SUCLG2: variants seen among roughly 807,000 people sequenced by gnomAD.
The protein encoded by SUCLG2 is succinate-CoA ligase GDP-forming subunit beta.
Under a neutral mutation model 47.9 loss-of-function variants are expected in SUCLG2, and 42 were observed. That is an observed-to-expected ratio of 0.88 (90% CI 0.69 to 1.14). The LOEUF is 1.14. Ranked by LOEUF, SUCLG2 falls within the 50% of genes most tolerant of loss-of-function variation. The pLI, the probability that SUCLG2 is intolerant of heterozygous loss-of-function variation, is 0.00. For synonymous variants in SUCLG2, 195 were observed against 197.3 expected (o/e 0.99, Z 0.10); for missense variants, 571 against 525.9 (o/e 1.09, Z -0.84).
At chr3:67,575,879 C>G (rs1025656577) in intron 2 of SUCLG2, among the ~76,000 whole-genome samples, 1 of 152,100 alleles carries the variant, frequency 6.6e-6, no homozygotes, top group African/African-American at 2.4e-5. Flanking sequence ...TAACATGAAT[C>G]TAGTGGAATT....
intron 6 of SUCLG2, among the ~76,000 whole-genome samples, chr3:67,512,941 C>A (rs774134040): frequency 6.6e-6 from 1 of 150,398 alleles, no homozygotes; most frequent in Non-Finnish European, 1.5e-5. Context: ...ACATATATAT[C>A]TCTCCATATA....
chr3:67,400,710 C>T (rs544995840), intron 10 of SUCLG2, 21 bp downstream of exon 10: 71 of 1,608,582 alleles, frequency 4.4e-5, no homozygotes, highest in African/African-American at 3.9e-4. Flanking sequence ...GCTGGCACAG[C>T]GGAAATCTAC....
At position 67,469,824 on chromosome 3, in the gene SUCLG2, T is replaced by C. The variant is rs147754316; in HGVS notation, c.1062+25974A>G. ...ACTTTGGGAGGCTGAGGCAGCCCTATCACCTGAGGTCAGGAGTTCGAGACC... is the reference window on the plus strand; with the variant it reads ...ACTTTGGGAGGCTGAGGCAGCCCTACCACCTGAGGTCAGGAGTTCGAGACC... On this transcript the variant is annotated intron_variant, in intron 9 of 10. Coordinates refer to ENST00000307227, the MANE Select transcript of SUCLG2 (RefSeq NM_003848.4). 9.2e-3 allele frequency among the ~76,000 whole-genome samples: 1,383 copies of C among 150,906 alleles called. 26 individuals are homozygous for C. Among genetic ancestry groups the C allele is most frequent in the African/African-American group, 0.031 (1,264 of 41,054 alleles).
chr3:67,619,834 T>A (rs1700702107), intron 1 of SUCLG2, among the ~76,000 whole-genome samples: 2 of 152,138 alleles, frequency 1.3e-5, no homozygotes, highest in African/African-American at 4.8e-5. Flanking sequence ...TTGATAAACA[T>A]TAGCATATTA....
intron 9 of SUCLG2, among the ~76,000 whole-genome samples, chr3:67,487,499 T>TACACACACACACACACAC (rs143841918): frequency 5.3e-4 from 80 of 149,922 alleles, no homozygotes; most frequent in African/African-American, 1.7e-3. Flanking sequence ...AACACACATA[T>TACACACACACACACACAC]ACACACACAC....
At chr3:67,400,889 G>A (rs1015245003) in intron 9 of SUCLG2, 38 bp from the exon 10 acceptor site, 3 of 1,609,848 alleles carry the variant, frequency 1.9e-6, no homozygotes, top group Non-Finnish European at 1.7e-6. Context: ...TCAAAATGCT[G>A]ATCGCCAACA....
intron 1 of SUCLG2, among the ~76,000 whole-genome samples, chr3:67,648,093 T>C (rs558240840): frequency 2.0e-5 from 3 of 152,222 alleles, no homozygotes; most frequent in African/African-American, 7.2e-5. Flanking sequence ...TTAAATATCA[T>C]CTTATTTAAT....
At chr3:67,401,575 C>CA (rs5849753) in intron 9 of SUCLG2, among the ~76,000 whole-genome samples, 3,111 of 121,512 alleles carry the variant, frequency 0.026, 87 homozygotes, top group African/African-American at 0.075. Flanking sequence ...GCATGTGGGC[C>CA]AAAAAAAAAA....
intron 2 of SUCLG2, among the ~76,000 whole-genome samples, chr3:67,597,994 T>A (rs1304214331): frequency 6.6e-6 from 1 of 151,956 alleles, no homozygotes; most frequent in Non-Finnish European, 1.5e-5. Flanking sequence ...TTTCCTTTTT[T>A]TTTGGAGACG....
intron 2 of SUCLG2, among the ~76,000 whole-genome samples, chr3:67,559,701 AC>A (rs1437220589): frequency 2.0e-5 from 3 of 152,214 alleles, no homozygotes; most frequent in Non-Finnish European, 4.4e-5. Flanking sequence ...TGTGAAACTG[AC>A]ATCAAAATTT....
intron 1 of SUCLG2, among the ~76,000 whole-genome samples, chr3:67,627,194 C>T (rs1700847949): frequency 6.7e-6 from 1 of 149,962 alleles, no homozygotes; most frequent in South Asian, 2.1e-4. Context: ...GGAGCTTGAC[C>T]ATTAAAAAAA....
At chr3:67,616,124 GGAGATGGTGGAATCACAGGT>G (rs1053677902) in intron 1 of SUCLG2, among the ~76,000 whole-genome samples, 17 of 152,014 alleles carry the variant, frequency 1.1e-4, no homozygotes, top group African/African-American at 4.1e-4. Context: ...AGCCACATGT[GGAGATGGTGGAATCACAGGT>G]GAGATTAGGC....
intron 2 of SUCLG2, among the ~76,000 whole-genome samples, chr3:67,591,540 C>CTCACAAGA (rs1449099694): frequency 6.6e-6 from 1 of 152,138 alleles, no homozygotes; most frequent in Non-Finnish European, 1.5e-5. Flanking sequence ...GTGAATAAGT[C>CTCACAAGA]TCACAAGATC....
At chr3:67,502,132 C>T (rs578250035) in intron 7 of SUCLG2, among the ~76,000 whole-genome samples, 1 of 152,174 alleles carries the variant, frequency 6.6e-6, no homozygotes, top group African/African-American at 2.4e-5. Flanking sequence ...TGGGATCTGA[C>T]TCTAATTCCA....
At chr3:67,602,425 C>T (rs898817756) in intron 2 of SUCLG2, among the ~76,000 whole-genome samples, 1 of 152,116 alleles carries the variant, frequency 6.6e-6, no homozygotes, top group Non-Finnish European at 1.5e-5. Flanking sequence ...GCCTTGATCT[C>T]GCCCTTCACT....
intron 1 of SUCLG2, among the ~76,000 whole-genome samples, chr3:67,641,340 T>C (rs546860194): frequency 1.6e-4 from 24 of 152,316 alleles, no homozygotes; most frequent in African/African-American, 5.8e-4. Flanking sequence ...CAGTGGTCCA[T>C]GGGCTAGCTC....
At chr3:67,634,186 C>A (rs1700971786) in intron 1 of SUCLG2, among the ~76,000 whole-genome samples, 1 of 152,132 alleles carries the variant, frequency 6.6e-6, no homozygotes, top group South Asian at 2.1e-4. Context: ...TGCTCAGTGT[C>A]TTGTAAAAAG....
downstream of SUCLG2, among the ~76,000 whole-genome samples, chr3:67,371,801 T>A (rs563978655): frequency 1.3e-5 from 2 of 152,312 alleles, no homozygotes; most frequent in African/African-American, 4.8e-5. Context: ...CAGTGGCTTT[T>A]GACTCAGAAG....
chr3:67,467,831 C>T lies in SUCLG2; in HGVS notation c.1062+27967G>A, dbSNP rs894206414. 9.9e-5 allele frequency among the ~76,000 whole-genome samples: 15 copies of T among 152,228 alleles called. No homozygotes were observed. The South Asian group carries it at 3.1e-3, about 32-fold the overall frequency. ...AAAATGAGACTTAGAGGAGTTAACT[C>T]ACTTGGGAAAGTCACAGATGTAAGA... is the stretch of plus-strand genomic sequence containing the variant. On this transcript the variant is annotated intron_variant, in intron 9 of 10. Transcript: ENST00000307227.
Sources: gnomAD v4.1 joint callset for allele counts (sites outside exome capture counted in the v4.1 genomes callset) on GRCh38, gnomAD v4.1.1 for gene constraint, MANE v1.5 for transcripts, NCBI Gene and HGNC (gene_info 2026-07-23, HGNC 2026-07-21) for gene names.